AKAP6: variants seen among roughly 807,000 people sequenced by gnomAD.
AKAP6 encodes A-kinase anchoring protein 6.
AKAP6 carries 58 observed loss-of-function variants against 188.5 expected under a neutral mutation model. The observed-to-expected ratio is 0.31, with a 90% CI of 0.25 to 0.38. AKAP6 has a LOEUF of 0.38. AKAP6 is among the 10% of genes least tolerant of loss of function. The pLI is 1.00. For missense variants in AKAP6, 2,710 were observed against 2,740.0 expected, an observed-to-expected ratio of 0.99 and a Z score of 0.24; for synonymous variants, 989 against 998.6, an observed-to-expected ratio of 0.99 and a Z score of 0.18.
In AKAP6 at chr14:32,637,187, T is replaced by C. The variant is rs888920896; in HGVS notation, c.2730+36395T>C. ...TTAACATAGGGCCTAGTACGTAGAA[T>C]ACATTTCATAAATATTAGCTTATGA... is the stretch of plus-strand genomic sequence containing the variant. On this transcript the variant is annotated intron_variant, in intron 7 of 13. Coordinates refer to ENST00000280979, the MANE Select transcript of AKAP6 (RefSeq NM_004274.5). 2.0e-5 allele frequency among the ~76,000 whole-genome samples: 3 copies of C among 152,184 alleles called. No homozygotes were observed. In the East Asian group the frequency reaches 5.8e-4, roughly 29 times the overall value.
At chr14:32,805,796 A>C (rs1320462848) in intron 12 of AKAP6, among the ~76,000 whole-genome samples, 1 of 152,136 alleles carries the variant, frequency 6.6e-6, no homozygotes, top group Non-Finnish European at 1.5e-5. Flanking sequence ...TTAACATATA[A>C]ATGGGTAAGT....
intron 7 of AKAP6, among the ~76,000 whole-genome samples, chr14:32,630,073 T>C (rs1231769901): frequency 3.3e-5 from 5 of 152,164 alleles, no homozygotes; most frequent in African/African-American, 4.8e-5. Flanking sequence ...TTCTGGTGTG[T>C]GAATTTTTCT....
At chr14:32,405,630 G>A (rs903919262) in intron 1 of AKAP6, among the ~76,000 whole-genome samples, 4 of 152,058 alleles carry the variant, frequency 2.6e-5, no homozygotes, top group Admixed American at 6.6e-5. Context: ...AAATCCCCAC[G>A]TGTCAATGGT....
chr14:32,407,122 G>A (rs1275118541), intron 1 of AKAP6, among the ~76,000 whole-genome samples: 1 of 152,112 alleles, frequency 6.6e-6, no homozygotes, highest in Admixed American at 6.5e-5. Flanking sequence ...ACGTCCACAT[G>A]TCACAGGACA....
chr14:32,774,195 A>G (rs534067618), intron 12 of AKAP6, among the ~76,000 whole-genome samples: 9 of 152,314 alleles, frequency 5.9e-5, no homozygotes, highest in Middle Eastern at 3.4e-3. Context: ...AACCTTACCA[A>G]CCTAAGCCAT....
chr14:32,518,825 A>C (rs1025657282), intron 2 of AKAP6, among the ~76,000 whole-genome samples: 11 of 152,324 alleles, frequency 7.2e-5, no homozygotes, highest in Admixed American at 2.0e-4. Flanking sequence ...CCAACATTCA[A>C]ATTCAGGAAA....
chr14:32,429,276 A>G (rs578006982), intron 1 of AKAP6, among the ~76,000 whole-genome samples: 3 of 152,354 alleles, frequency 2.0e-5, no homozygotes, highest in South Asian at 2.1e-4. Context: ...TTCAAATCTT[A>G]TATTATTTAC....
rs116672673 is a variant in AKAP6 at position 32,435,992 on chromosome 14, G to A, written c.324+2175G>A. On this transcript the variant is annotated intron_variant, in intron 2 of 13. Transcript: ENST00000280979. The stretch of plus-strand genomic sequence containing the variant: ...AAATATCACTTTTTCTGATTTCCAC[G>A]TTGATCATAAGAATAAACGGGAACT... Among the ~76,000 whole-genome samples the A allele has an allele frequency of 9.9e-3, 1,504 of 151,924 alleles. 28 individuals are homozygous for A. The highest frequency in any genetic ancestry group is 0.034 in the African/African-American group (1,388 of 41,398).
chr14:32,676,092 A>G (rs1566640502), intron 7 of AKAP6, among the ~76,000 whole-genome samples: 3 of 152,140 alleles, frequency 2.0e-5, no homozygotes, highest in African/African-American at 7.2e-5. Context: ...GTCCCTTGGT[A>G]CCTAATGGCA....
intron 1 of AKAP6, among the ~76,000 whole-genome samples, chr14:32,372,169 G>C (rs115649244): frequency 1.3e-5 from 2 of 152,182 alleles, no homozygotes; most frequent in Non-Finnish European, 2.9e-5. Flanking sequence ...CTTGAGGAAG[G>C]AGTGGCTAAC....
chr14:32,718,361 A>G, intron 9 of AKAP6: 1 of 984,144 alleles, frequency 1.0e-6, no homozygotes, highest in Non-Finnish European at 1.2e-6. Flanking sequence ...TATTTTGTCA[A>G]AATATTTTTC....
intron 7 of AKAP6, among the ~76,000 whole-genome samples, chr14:32,603,135 G>A (rs760651658): frequency 1.3e-5 from 2 of 152,186 alleles, no homozygotes; most frequent in African/African-American, 4.8e-5. Flanking sequence ...GTTAGAAAGG[G>A]AGAAGTGTGC....
chr14:32,704,693 A>G (rs1890742392), intron 9 of AKAP6, among the ~76,000 whole-genome samples: 1 of 152,222 alleles, frequency 6.6e-6, no homozygotes, highest in African/African-American at 2.4e-5. Flanking sequence ...GTTTAAAAAA[A>G]GAGTATCAAA....
chr14:32,766,302 A>G (rs1185418815), intron 11 of AKAP6, among the ~76,000 whole-genome samples: 1 of 152,134 alleles, frequency 6.6e-6, no homozygotes, highest in Non-Finnish European at 1.5e-5. Flanking sequence ...CTTTATGAAT[A>G]ATGCCATTAT....
intron 2 of AKAP6, among the ~76,000 whole-genome samples, chr14:32,439,297 C>G (rs1409489908): frequency 6.6e-6 from 1 of 152,164 alleles, no homozygotes; most frequent in Non-Finnish European, 1.5e-5. Context: ...TCAGATGGAC[C>G]TTATGGACAG....
intron 2 of AKAP6, among the ~76,000 whole-genome samples, chr14:32,488,707 G>A (rs1879833840): frequency 6.6e-6 from 1 of 152,110 alleles, no homozygotes; most frequent in African/African-American, 2.4e-5. Context: ...AAAGACAGTG[G>A]GAAAAGCATA....
chr14:32,575,449 C>T (rs1036680343), intron 4 of AKAP6, among the ~76,000 whole-genome samples: 1 of 152,102 alleles, frequency 6.6e-6, no homozygotes, highest in Admixed American at 6.6e-5. Context: ...TGATGACCAA[C>T]AGAAACCTCA....
chr14:32,575,459 A>G (rs1884672769), intron 4 of AKAP6, among the ~76,000 whole-genome samples: 1 of 152,166 alleles, frequency 6.6e-6, no homozygotes, highest in Non-Finnish European at 1.5e-5. Context: ...CAGAAACCTC[A>G]ATGATGTTGT....
At chr14:32,342,110 G>T (rs1163117482) in intron 1 of AKAP6, among the ~76,000 whole-genome samples, 1 of 152,176 alleles carries the variant, frequency 6.6e-6, no homozygotes, top group South Asian at 2.1e-4. Flanking sequence ...TTCTCTGGAT[G>T]ATCTATGCTT....
Sources: allele counts gnomAD v4.1 joint callset (sites outside exome capture counted in the v4.1 genomes callset), GRCh38; gene constraint gnomAD v4.1.1; transcripts MANE v1.5; gene names NCBI Gene and HGNC (gene_info 2026-07-23, HGNC 2026-07-21).